Variants in DPT observed in about 807,000 individuals in gnomAD.
DPT encodes tyrosine-rich acidic matrix protein.
In DPT, 21 loss-of-function variants were observed where a neutral mutation model predicts 31.2. That is an observed-to-expected ratio of 0.67 (90% CI 0.48 to 0.97). DPT has a LOEUF of 0.97. Ranked by LOEUF, DPT falls within the 50% of genes least tolerant of loss-of-function variation. The probability of loss-of-function intolerance (pLI) is 0.00; values close to 1 mark genes in which losing one functional copy is unlikely to be tolerated. For missense variants in DPT, 262 were observed against 258.8 expected (o/e 1.01, Z -0.08); for synonymous variants, 91 against 86.9 (o/e 1.05, Z -0.26).
rs528490041 is a variant in DPT at position 168,703,071 on chromosome 1, G to C, written c.432-1947C>G. On this transcript the variant is annotated intron_variant, in intron 2 of 3. Coordinates refer to ENST00000367817, the MANE Select transcript of DPT (RefSeq NM_001937.5). Reference sequence around the variant, plus strand: ...CAAATTAGAATAAGAGGTTGCATGGGGGTGGGAGGGGGTGTGTGTTTTCCT... The same window carrying C: ...CAAATTAGAATAAGAGGTTGCATGGCGGTGGGAGGGGGTGTGTGTTTTCCT... Among the ~76,000 whole-genome samples, 3 of 152,284 alleles carry C rather than the reference G, an allele frequency of 2.0e-5. No individual in the cohort carries two copies. In the South Asian group the frequency reaches 6.2e-4, roughly 32 times the overall value.
Position 168,701,021 on chromosome 1 carries a change from C to T in DPT, c.535G>A (p.Glu179Lys). ...GGAAGGGGCTGTCTTTCTCACCTTTCCACTGCAGAGAAAGTGGTTGTTGCT... is the reference window on the plus strand; with the variant it reads ...GGAAGGGGCTGTCTTTCTCACCTTTTCACTGCAGAGAAAGTGGTTGTTGCT... ...RGATTTFSAV[E>K]RDRQWKFIMC... Residue 179 changes from glutamate to lysine, a missense_variant, in exon 3 of 4, where the codon GAA becomes AAA. Transcript: ENST00000367817. 2 of 1,612,314 alleles carry T rather than the reference C, an allele frequency of 1.2e-6. No homozygotes were observed. The highest frequency in any genetic ancestry group is 2.2e-5 in the South Asian group (2 of 91,032).
intron 1 of DPT, among the ~76,000 whole-genome samples, chr1:168,727,357 A>G (rs886446792): frequency 6.6e-6 from 1 of 152,056 alleles, no homozygotes; most frequent in Non-Finnish European, 1.5e-5. Context: ...CACATAAAGC[A>G]CTTAGCATGG....
intron 1 of DPT, among the ~76,000 whole-genome samples, chr1:168,726,123 G>T (rs558862437): frequency 6.6e-6 from 1 of 152,304 alleles, no homozygotes; most frequent in African/African-American, 2.4e-5. Context: ...TTTCAACCCT[G>T]TGATTAGTAG....
intron 1 of DPT, among the ~76,000 whole-genome samples, chr1:168,715,445 G>A (rs908153098): frequency 6.6e-6 from 1 of 151,924 alleles, no homozygotes. Context: ...AAGACCATAA[G>A]CTCTACACAG....
At chr1:168,717,232 T>G (rs1000860027) in intron 1 of DPT, among the ~76,000 whole-genome samples, 3 of 152,256 alleles carry the variant, frequency 2.0e-5, no homozygotes, top group Admixed American at 6.5e-5. Context: ...TCTTGGCTTT[T>G]TAATAAACAC....
rs544363077 is a variant in DPT at position 168,720,009 on chromosome 1, T to TA, written c.306-5664dup. On this transcript the variant is annotated intron_variant, in intron 1 of 3. Transcript: ENST00000367817. Reference sequence around the variant, plus strand: ...ATCTCAGGGTCATCACCCTGAAAGCTAAAACGGAAGACTTTCTCCTGTATC... The same window carrying TA: ...ATCTCAGGGTCATCACCCTGAAAGCTAAAAACGGAAGACTTTCTCCTGTATC... 2.9e-3 allele frequency among the ~76,000 whole-genome samples: 438 copies of TA among 152,322 alleles called. 2 individuals are homozygous for TA. The highest frequency in any genetic ancestry group is 9.7e-3 in the African/African-American group (403 of 41,574).
At chr1:168,711,505 A>G (rs890080466) in intron 2 of DPT, among the ~76,000 whole-genome samples, 3 of 152,132 alleles carry the variant, frequency 2.0e-5, no homozygotes, top group African/African-American at 7.2e-5. Flanking sequence ...CCTTGCTGTG[A>G]TGAGGAATGT....
At position 168,698,607 on chromosome 1, in the gene DPT, C is replaced by T. The variant is rs145817181; in HGVS notation, c.540-1992G>A. ...CACCAGGACAGTGGGGGCAAATTTG[C>T]TCCCCAAGGGAATACTTGGCAATGT... On this transcript the variant is annotated intron_variant, in intron 3 of 3. Transcript: ENST00000367817. 3.8e-3 allele frequency among the ~76,000 whole-genome samples: 585 copies of T among 152,204 alleles called. 9 individuals carry two copies. The highest frequency in any genetic ancestry group is 2.9e-3 in the Non-Finnish European group (196 of 68,010).
chr1:168,728,764 G>T, intron 1 of DPT, 106 bp downstream of exon 1: 1 of 1,407,238 alleles, frequency 7.1e-7, no homozygotes, highest in Non-Finnish European at 9.8e-7. Flanking sequence ...GGTGGGATTT[G>T]CCCAGGCTTT....
rs1168921178 is a variant in DPT at position 168,696,613 on chromosome 1, TC to T, written c.541del (p.Asp181IlefsTer7). Reference sequence around the variant, plus strand: ...GCACATTATGAACTTCCACTGGCGATCCCTGTGGGAGGGAGAGTCAGAAAAT... The same window carrying T: ...GCACATTATGAACTTCCACTGGCGATCCTGTGGGAGGGAGAGTCAGAAAAT... ...ATTTFSAVERDRQWKFIMCRM... is the reference protein window; with the variant it reads ...ATTTFSAVERXRQWKFIMCRM... On this transcript the variant is annotated frameshift_variant and splice_region_variant, in exon 4 of 4. Transcript: ENST00000367817. LOFTEE classifies it high-confidence loss of function. 6.2e-7 allele frequency: 1 copy of T among 1,613,510 alleles called. No individual in the cohort carries two copies. The highest frequency in any genetic ancestry group is 8.5e-7 in the Non-Finnish European group (1 of 1,179,680).
intron 2 of DPT, among the ~76,000 whole-genome samples, chr1:168,702,543 C>T (rs895475271): frequency 6.6e-6 from 1 of 151,754 alleles, no homozygotes; most frequent in Non-Finnish European, 1.5e-5. Context: ...TAAGGTCCTG[C>T]AAATCCAGAA....
chr1:168,715,857 C>T (rs766658999), intron 1 of DPT, among the ~76,000 whole-genome samples: 1 of 152,238 alleles, frequency 6.6e-6, no homozygotes, highest in Non-Finnish European at 1.5e-5. Flanking sequence ...ACCATCCCAG[C>T]CATTGGTCTA....
intron 1 of DPT, among the ~76,000 whole-genome samples, chr1:168,726,558 C>T (rs1650247003): frequency 6.6e-6 from 1 of 152,212 alleles, no homozygotes; most frequent in Non-Finnish European, 1.5e-5. Flanking sequence ...CAAGGTCACA[C>T]CACAAGTCAT....
intron 3 of DPT, among the ~76,000 whole-genome samples, chr1:168,698,824 G>A (rs941296688): frequency 2.0e-5 from 3 of 152,058 alleles, no homozygotes; most frequent in East Asian, 1.9e-4. Context: ...CTTGCACAAG[G>A]AGTCCTGCCC....
In DPT at chr1:168,696,624, G is replaced by A. The variant is rs570829665; in HGVS notation, c.540-9C>T. On this transcript the variant is annotated splice_polypyrimidine_tract_variant and intron_variant, in intron 3 of 3. Transcript: ENST00000367817. Reference sequence around the variant, plus strand: ...ACTTCCACTGGCGATCCCTGTGGGAGGGAGAGTCAGAAAATGAATGTCAGT... The same window carrying A: ...ACTTCCACTGGCGATCCCTGTGGGAAGGAGAGTCAGAAAATGAATGTCAGT... The A allele has an allele frequency of 6.2e-7, 1 of 1,613,168 alleles. No homozygotes were observed.
chr1:168,712,082 C>T (rs1386243899), intron 2 of DPT, among the ~76,000 whole-genome samples: 1 of 152,212 alleles, frequency 6.6e-6, no homozygotes, highest in Non-Finnish European at 1.5e-5. Context: ...GTTAAGAAGA[C>T]ACTATGTTCC....
At chr1:168,724,616 C>A (rs954147485) in intron 1 of DPT, among the ~76,000 whole-genome samples, 2 of 151,914 alleles carry the variant, frequency 1.3e-5, no homozygotes, top group Admixed American at 6.6e-5. Context: ...GTGGAGACAG[C>A]GAGATGTGTG....
Position 168,729,086 on chromosome 1 carries a change from T to G in DPT, c.89A>C (p.Tyr30Ser). 12 of 1,614,262 alleles carry G rather than the reference T, an allele frequency of 7.4e-6. No homozygotes were observed. Among genetic ancestry groups the G allele is most frequent in the Non-Finnish European group, 1.0e-5 (12 of 1,180,046 alleles). Reference protein sequence around the residue: ...YGDYGYPYQQYHDYSDDGWVN... With the variant: ...YGDYGYPYQQSHDYSDDGWVN... ...CCACCCATCATCGCTGTAGTCATGA[T>G]ACTGCTGGTATGGGTATCCATAATC... Residue 30 changes from tyrosine (Y) to serine (S), a missense_variant, in exon 1 of 4, where the codon TAT becomes TCT. Tyr to Ser is a moderately radical substitution (Grantham distance 144, BLOSUM62 -2). Transcript: ENST00000367817.
Position 168,700,711 on chromosome 1 carries a change from C to T in DPT, c.539+306G>A, listed in dbSNP as rs556834433. On this transcript the variant is annotated intron_variant, in intron 3 of 3. Coordinates refer to ENST00000367817, the MANE Select transcript of DPT (RefSeq NM_001937.5). ...GCAGGCTGGAATCCACCCTCACTTG[C>T]AAGGTGAGCAGCTCCATGAGGTGAG... 2.8e-3 allele frequency among the ~76,000 whole-genome samples: 421 copies of T among 152,288 alleles called. 2 individuals carry two copies. The highest frequency in any genetic ancestry group is 9.3e-3 in the African/African-American group (385 of 41,564).
Sources: allele counts gnomAD v4.1 joint callset (sites outside exome capture counted in the v4.1 genomes callset), GRCh38; gene constraint gnomAD v4.1.1; transcripts MANE v1.5; gene names NCBI Gene and HGNC (gene_info 2026-07-23, HGNC 2026-07-21).